The following SH3GLB2 variants were observed in gnomAD, a reference collection of about 807,000 sequenced individuals.
SH3GLB2 encodes the protein SH3 domain containing GRB2 like, endophilin B2.
Under a neutral mutation model 48.0 loss-of-function variants are expected in SH3GLB2, and 24 were observed. The observed-to-expected ratio is 0.50, with a 90% CI of 0.36 to 0.70. The LOEUF is 0.70. Ranked by LOEUF, SH3GLB2 falls within the 30% of genes least tolerant of loss-of-function variation. SH3GLB2 has a pLI of 0.00. For synonymous variants in SH3GLB2, 227 were observed against 207.6 expected, an observed-to-expected ratio of 1.09 and a Z score of -0.80; for missense variants, 425 against 516.0, an observed-to-expected ratio of 0.82 and a Z score of 1.71.
chr9:129,013,111 C>T (rs961733753), intron 5 of SH3GLB2: 1 of 1,462,256 alleles, frequency 6.8e-7, no homozygotes, highest in Non-Finnish European at 9.4e-7. Context: ...CCCCAGGCCC[C>T]AGTGGGAGGG....
chr9:129,013,933 C>T, intron 5 of SH3GLB2: 1 of 439,744 alleles, frequency 2.3e-6, no homozygotes, highest in Admixed American at 2.5e-5. Context: ...CCTATCCAAT[C>T]TCATGGGACC....
chr9:129,018,349 G>T (rs56332762), intron 3 of SH3GLB2, among the ~76,000 whole-genome samples: 1 of 152,008 alleles, frequency 6.6e-6, no homozygotes, highest in African/African-American at 2.4e-5. Context: ...AGGCCAAGGC[G>T]GGCGGATCAC....
intron 3 of SH3GLB2, among the ~76,000 whole-genome samples, chr9:129,020,650 G>A (rs577205297): frequency 6.6e-6 from 1 of 151,734 alleles, no homozygotes; most frequent in Non-Finnish European, 1.5e-5. Context: ...GGCAGATCAC[G>A]AGGTCAGGAG....
At chr9:129,021,353 G>T in intron 2 of SH3GLB2, 134 bp from the exon 3 acceptor site, 1 of 1,116,694 alleles carries the variant, frequency 9.0e-7, no homozygotes, top group Non-Finnish European at 1.2e-6. Flanking sequence ...TCTTGCTCAT[G>T]CCCAACCCTG....
rs1842831158 is a variant in SH3GLB2, at chr9:129,007,214, G to A, written c.*1470C>T. On this transcript the variant is annotated 3_prime_UTR_variant, in exon 11 of 11. Transcript: ENST00000372564. Reference sequence around the variant, plus strand: ...GCAGCCTCGGGGGAAGGCAGGTACTGATGGATGGCTAGTTCACCAGCATCT... The same window carrying A: ...GCAGCCTCGGGGGAAGGCAGGTACTAATGGATGGCTAGTTCACCAGCATCT... The A allele has an allele frequency of 6.6e-6, 1 of 152,280 alleles. No homozygotes were observed. The highest frequency in any genetic ancestry group is 1.5e-5 in the Non-Finnish European group (1 of 68,126). The allele number at this position is 152,280 out of a possible 1,614,324, so 9.4% of individuals were successfully genotyped here. A position where few individuals can be genotyped will look rare whatever the true frequency, so the allele number is the denominator to read the frequency against.
chr9:129,018,762 A>G (rs17485730), intron 3 of SH3GLB2, among the ~76,000 whole-genome samples: 61 of 150,576 alleles, frequency 4.1e-4, no homozygotes, highest in Middle Eastern at 3.4e-3. Flanking sequence ...GCGTGGTGGC[A>G]GGCGCCTGTA....
At chr9:129,012,688 G>A (rs1250981012) in intron 5 of SH3GLB2, 4 of 485,504 alleles carry the variant, frequency 8.2e-6, no homozygotes, top group Non-Finnish European at 1.5e-5. Flanking sequence ...CAACTGGGAT[G>A]GCTTTTTCCA....
At chr9:129,018,111 CAT>C (rs1040475190) in intron 3 of SH3GLB2, among the ~76,000 whole-genome samples, 4 of 151,960 alleles carry the variant, frequency 2.6e-5, no homozygotes, top group African/African-American at 9.7e-5. Context: ...ATAATACTAA[CAT>C]AGCACGACAT....
In SH3GLB2 at chr9:129,014,963, C is replaced by T. The variant is rs1843343697; in HGVS notation, c.335-59G>A. Reference sequence around the variant, plus strand: ...GTCAGGCTCAGGCTACTCTGATCTACAGGAGAGGGCTCAGGAAGAGCTTGC... The same window carrying T: ...GTCAGGCTCAGGCTACTCTGATCTATAGGAGAGGGCTCAGGAAGAGCTTGC... On this transcript the variant is annotated intron_variant, in intron 3 of 10. Coordinates refer to ENST00000372564, the MANE Select transcript of SH3GLB2 (RefSeq NM_020145.4). This position sits in a 1 kb window ranked among gnomAD's most constrained non-coding sequence, Gnocchi z 4.1. 1.3e-6 allele frequency: 2 copies of T among 1,572,436 alleles called. No individual in the cohort carries two copies. The highest frequency in any genetic ancestry group is 1.8e-5 in the Admixed American group (1 of 54,444).
rs1004675985 is a variant in SH3GLB2 at position 129,007,729 on chromosome 9, A to G, written c.*955T>C. ...CGACCTGCAGACAGCACTGACCGCT[A>G]CCCACTTCTTGTGCTTGAACTGAAC... On this transcript the variant is annotated 3_prime_UTR_variant, in exon 11 of 11. Coordinates refer to ENST00000372564, the MANE Select transcript of SH3GLB2 (RefSeq NM_020145.4). 2.0e-5 allele frequency: 3 copies of G among 152,160 alleles called. No individual in the cohort carries two copies. Among genetic ancestry groups the G allele is most frequent in the Non-Finnish European group, 4.4e-5 (3 of 68,042 alleles). The allele number at this position is 152,160 out of a possible 1,614,324, so 9.4% of individuals were successfully genotyped here.
intron 1 of SH3GLB2, among the ~76,000 whole-genome samples, chr9:129,026,193 C>G (rs1345480505): frequency 6.6e-6 from 1 of 152,186 alleles, no homozygotes; most frequent in Non-Finnish European, 1.5e-5. Flanking sequence ...CATCTCAGGG[C>G]CAAGGCCTTG....
At chr9:129,022,054 C>T (rs903528897) in intron 2 of SH3GLB2, among the ~76,000 whole-genome samples, 2 of 151,784 alleles carry the variant, frequency 1.3e-5, no homozygotes, top group Non-Finnish European at 2.9e-5. Context: ...GGCATTTTAA[C>T]TCTTCTGTGC....
chr9:129,012,407 G>T, intron 5 of SH3GLB2, 109 bp from the exon 6 acceptor site: 1 of 582,690 alleles, frequency 1.7e-6, no homozygotes, highest in Non-Finnish European at 2.6e-6. Flanking sequence ...CAAGAGGCCT[G>T]ACCCCAGGGA....
intron 1 of SH3GLB2, among the ~76,000 whole-genome samples, chr9:129,023,725 A>G (rs1266349866): frequency 6.6e-6 from 1 of 151,930 alleles, no homozygotes; most frequent in Non-Finnish European, 1.5e-5. Context: ...GCAGCCATCA[A>G]TTATGTAGCA....
chr9:129,018,856 C>T (rs1301146290), intron 3 of SH3GLB2, among the ~76,000 whole-genome samples: 4 of 149,302 alleles, frequency 2.7e-5, no homozygotes, highest in Admixed American at 6.7e-5. Context: ...TGTGCCACTG[C>T]ACTCCAGCCT....
intron 3 of SH3GLB2, 100 bp from the exon 4 acceptor site, chr9:129,015,004 G>A (rs997930244): frequency 3.6e-4 from 531 of 1,473,840 alleles, no homozygotes; most frequent in Non-Finnish European, 3.2e-4. Flanking sequence ...AGCAAGGGCC[G>A]GGGTGCTCAG....
chr9:129,012,891 G>C, intron 5 of SH3GLB2: 1 of 1,320,804 alleles, frequency 7.6e-7, no homozygotes. Context: ...AGGCTCTGGC[G>C]GGGAGACCAG....
intron 7 of SH3GLB2, 69 bp from the exon 8 acceptor site, chr9:129,010,278 A>C (rs1211105379): frequency 2.9e-6 from 4 of 1,389,638 alleles, no homozygotes; most frequent in Non-Finnish European, 4.1e-6. Flanking sequence ...CTTCTCCTGG[A>C]GCCTACCTGG....
intron 3 of SH3GLB2, among the ~76,000 whole-genome samples, chr9:129,018,482 C>T (rs1215596673): frequency 6.7e-6 from 1 of 150,060 alleles, no homozygotes; most frequent in Non-Finnish European, 1.5e-5. Flanking sequence ...AAGGCTGAGG[C>T]AAGAGAATTG....
Sources: allele counts gnomAD v4.1 joint callset (sites outside exome capture counted in the v4.1 genomes callset), GRCh38; gene constraint gnomAD v4.1.1; non-coding constraint Gnocchi (gnomAD v3.1); transcripts MANE v1.5; gene names NCBI Gene and HGNC (gene_info 2026-07-23, HGNC 2026-07-21).